SLC39A6: variants seen among roughly 807,000 people sequenced by gnomAD.
The protein encoded by SLC39A6 is solute carrier family 39 member 6.
In SLC39A6, 51 loss-of-function variants were observed where a neutral mutation model predicts 63.5. That is an observed-to-expected ratio of 0.80 (90% CI 0.64 to 1.01). The LOEUF is 1.01. Ranked by LOEUF, SLC39A6 falls within the 50% of genes least tolerant of loss-of-function variation. The probability of loss-of-function intolerance (pLI) is 0.00; values close to 1 mark genes in which losing one functional copy is unlikely to be tolerated. For missense variants in SLC39A6, 805 were observed against 927.8 expected (o/e 0.87, Z 1.72); for synonymous variants, 318 against 324.7 (o/e 0.98, Z 0.22).
Position 36,109,749 on chromosome 18 carries a change from T to C in SLC39A6, c.2116-4A>G. ...CATTGTGCAGCATTTCAGGTACCTT[T>C]AAAAAAAAGTAAGGGAAAATAAGAG... On this transcript the variant is annotated splice_polypyrimidine_tract_variant and splice_region_variant and intron_variant, in intron 9 of 9. Coordinates refer to ENST00000269187, the MANE Select transcript of SLC39A6 (RefSeq NM_012319.4). The C allele has an allele frequency of 2.5e-6, 4 of 1,583,340 alleles. No individual in the cohort carries two copies. Among genetic ancestry groups the C allele is most frequent in the Admixed American group, 2.0e-5 (1 of 50,882 alleles).
In SLC39A6 at chr18:36,121,965, T is replaced by C. The variant is rs575621838; in HGVS notation, c.1359+87A>G. On this transcript the variant is annotated intron_variant, in intron 5 of 9. Coordinates refer to ENST00000269187, the MANE Select transcript of SLC39A6 (RefSeq NM_012319.4). Reference sequence around the variant, plus strand: ...CCTCTCAAATAAAGCTCATACAACCTGGGCATGCTATTCTAACAATCTAGT... The same window carrying C: ...CCTCTCAAATAAAGCTCATACAACCCGGGCATGCTATTCTAACAATCTAGT... The C allele has an allele frequency of 1.6e-3, 1,514 of 953,354 alleles. 15 individuals are homozygous for C. The highest frequency in any genetic ancestry group is 0.014 in the South Asian group (870 of 61,388). 59.1% of individuals were successfully genotyped at this position (953,354 alleles called of 1,614,324 possible).
Position 36,126,316 on chromosome 18 carries a change from C to T in SLC39A6, c.692G>A (p.Arg231Gln), listed in dbSNP as rs758978291. The change falls in exon 2 of 10, where the codon CGG becomes CAG. Residue 231 changes from arginine to glutamine, a missense_variant. Transcript: ENST00000269187. Reference sequence around the variant, plus strand: ...TTTCCTACCAGCCAGCCGGCTCACCCGGCTCTTTGATGTGACACTGGGTGG... The same window carrying T: ...TTTCCTACCAGCCAGCCGGCTCACCTGGCTCTTTGATGTGACACTGGGTGG... ...STPPSVTSKS[R>Q]VSRLAGRKTN... The T allele has an allele frequency of 4.3e-6, 7 of 1,614,224 alleles. No individual in the cohort carries two copies. The South Asian group carries it at 4.4e-5, about 10-fold the overall frequency.
chr18:36,112,479 A>G, intron 8 of SLC39A6, 22 bp downstream of exon 8: 1 of 1,582,598 alleles, frequency 6.3e-7, no homozygotes, highest in South Asian at 1.1e-5. Flanking sequence ...CTTGGCAAAT[A>G]CAATTTATGT....
At chr18:36,124,034 A>C (rs1350516642) in intron 3 of SLC39A6, among the ~76,000 whole-genome samples, 1 of 151,888 alleles carries the variant, frequency 6.6e-6, no homozygotes. Flanking sequence ...TTTTTTTAAG[A>C]AAAAAGGAAA....
At chr18:36,112,269 A>T (rs913131658) in intron 8 of SLC39A6, among the ~76,000 whole-genome samples, 1 of 152,240 alleles carries the variant, frequency 6.6e-6, no homozygotes, top group Non-Finnish European at 1.5e-5. Flanking sequence ...TTCAATTCCA[A>T]TGAGATTCTC....
At position 36,127,030 on chromosome 18, in the gene SLC39A6, GA is replaced by G. The variant is rs532028641; in HGVS notation, c.-9-15del. ...CATTGCGCCTTCCTAGAAAAGACAG[GA>G]AAAAAAAATTCTTGACTCACTTCTA... On this transcript the variant is annotated splice_polypyrimidine_tract_variant and intron_variant, in intron 1 of 9. Transcript: ENST00000269187. 5.7e-5 allele frequency: 88 copies of G among 1,552,474 alleles called. No individual in the cohort carries two copies. Among genetic ancestry groups the G allele is most frequent in the South Asian group, 3.3e-4 (27 of 83,038 alleles).
At chr18:36,124,046 GAAAGA>G (rs1212119172) in intron 3 of SLC39A6, among the ~76,000 whole-genome samples, 2 of 151,752 alleles carry the variant, frequency 1.3e-5, no homozygotes, top group East Asian at 3.9e-4. Flanking sequence ...AAAAGGAAAA[GAAAGA>G]AAAGAAGAGG....
intron 1 of SLC39A6, among the ~76,000 whole-genome samples, chr18:36,127,963 A>G (rs542559507): frequency 2.6e-5 from 4 of 152,078 alleles, no homozygotes; most frequent in Non-Finnish European, 5.9e-5. Context: ...CCGACTTGAC[A>G]ATGAATCAGA....
Position 36,126,308 on chromosome 18 carries a change from G to A in SLC39A6, c.700C>T (p.Arg234Trp), listed in dbSNP as rs369018375. The change falls in exon 2 of 10, where the codon CGG (arginine) becomes TGG (tryptophan). Residue 234 changes from arginine (R) to tryptophan (W), a missense_variant. Physicochemically the swap from Arg to Trp is moderately radical, Grantham distance 101. This residue lies in a region of SLC39A6 where 639 missense variants were observed against 644.0 expected (regional missense o/e 0.99). Transcript: ENST00000269187. ...PSVTSKSRVS[R>W]LAGRKTNESV... ...TCATTTGTTTTCCTACCAGCCAGCC[G>A]GCTCACCCGGCTCTTTGATGTGACA... 3.4e-5 allele frequency: 55 copies of A among 1,614,090 alleles called. No individual in the cohort carries two copies. In the Middle Eastern group the frequency reaches 8.2e-4, roughly 24 times the overall value.
At chr18:36,122,874 G>C (rs143905537) in intron 4 of SLC39A6, among the ~76,000 whole-genome samples, 153 of 152,320 alleles carry the variant, frequency 1.0e-3, no homozygotes, top group African/African-American at 3.6e-3. Context: ...GAGCTTGTCA[G>C]AGCAACATAG....
At position 36,109,019 on chromosome 18, in the gene SLC39A6, G is replaced by A. The variant is rs1340149929; in HGVS notation, c.*574C>T. ...CTACGTTTTTACGGGAAATAATCCT[G>A]ACAAAAATGTTTAATGAATGTACTC... On this transcript the variant is annotated 3_prime_UTR_variant, in exon 10 of 10. Transcript: ENST00000269187. 6.6e-6 allele frequency: 1 copy of A among 152,080 alleles called. No homozygotes were observed. Among genetic ancestry groups the A allele is most frequent in the African/African-American group, 2.4e-5 (1 of 41,426 alleles). 9.4% of individuals were successfully genotyped at this position (152,080 alleles called of 1,614,324 possible).
intron 9 of SLC39A6, 35 bp from the exon 10 acceptor site, chr18:36,109,780 T>C: frequency 1.3e-6 from 2 of 1,570,056 alleles, no homozygotes; most frequent in Non-Finnish European, 1.7e-6. Context: ...AAGAGTGACA[T>C]TTAAGTTTTT....
chr18:36,116,297 G>A (rs1345746891), intron 6 of SLC39A6, among the ~76,000 whole-genome samples: 1 of 152,058 alleles, frequency 6.6e-6, no homozygotes, highest in Non-Finnish European at 1.5e-5. Context: ...CTCTCAAATG[G>A]TTTAGAAAAA....
chr18:36,122,304 A>G, intron 4 of SLC39A6, 34 bp from the exon 5 acceptor site: 1 of 1,539,640 alleles, frequency 6.5e-7, no homozygotes, highest in Middle Eastern at 1.7e-4. Flanking sequence ...TTATAAATTC[A>G]TCAGTTTCAC....
intron 5 of SLC39A6, among the ~76,000 whole-genome samples, chr18:36,120,010 A>G (rs2089378986): frequency 6.6e-6 from 1 of 152,228 alleles, no homozygotes; most frequent in Admixed American, 6.5e-5. Context: ...TACAGTTAAA[A>G]AAAGAAGAAA....
chr18:36,120,916 A>C (rs2089388366), intron 5 of SLC39A6, among the ~76,000 whole-genome samples: 2 of 152,242 alleles, frequency 1.3e-5, no homozygotes, highest in South Asian at 4.1e-4. Context: ...AAATTTCCAA[A>C]ACCTAGATTC....
intron 1 of SLC39A6, among the ~76,000 whole-genome samples, chr18:36,127,778 G>GTTTTT (rs34708394): frequency 1.5e-5 from 2 of 130,220 alleles, no homozygotes; most frequent in East Asian, 2.3e-4. Flanking sequence ...TTTTTTTAAA[G>GTTTTT]TTTTTTTTTT....
Position 36,129,103 on chromosome 18 carries a change from G to C in SLC39A6, c.-10+11C>G, listed in dbSNP as rs1423026403. 1 of 152,716 alleles carries C rather than the reference G, an allele frequency of 6.5e-6. No homozygotes were observed. Among genetic ancestry groups the C allele is most frequent in the Non-Finnish European group, 1.5e-5 (1 of 68,502 alleles). The allele number at this position is 152,716 out of a possible 1,614,324, so 9.5% of individuals were successfully genotyped here. A position where few individuals can be genotyped will look rare whatever the true frequency, so the allele number is the denominator to read the frequency against. ...TCCCAGCCGCCCTGCTCCCGGACCT[G>C]AAAGACTCACGTCTCCGCGGCCTCG... is the stretch of plus-strand genomic sequence containing the variant. On this transcript the variant is annotated intron_variant, in intron 1 of 9. Transcript: ENST00000269187.
At chr18:36,110,436 C>CAA (rs200342744) in intron 9 of SLC39A6, among the ~76,000 whole-genome samples, 15 of 80,936 alleles carry the variant, frequency 1.9e-4, no homozygotes, top group African/African-American at 5.2e-4. Context: ...ATCAACAATC[C>CAA]AAAAAAAAAA....
Sources: allele counts gnomAD v4.1 joint callset (sites outside exome capture counted in the v4.1 genomes callset), GRCh38; gene constraint gnomAD v4.1.1; regional missense constraint gnomAD v4.1.1; transcripts MANE v1.5; gene names NCBI Gene and HGNC (gene_info 2026-07-23, HGNC 2026-07-21).